WBP4: variants seen among roughly 807,000 people sequenced by gnomAD.
WBP4 encodes WW domain-binding protein 4.
WBP4 carries 37 observed loss-of-function variants against 55.4 expected under a neutral mutation model. The observed-to-expected ratio is 0.67, with a 90% CI of 0.51 to 0.88. WBP4 has a LOEUF of 0.88. Among genes scored for constraint, WBP4 ranks in the 40% least tolerant of loss-of-function variants. The pLI, the probability that WBP4 is intolerant of heterozygous loss-of-function variation, is 0.00. For synonymous variants in WBP4, 142 were observed against 140.2 expected (o/e 1.01, Z -0.09); for missense variants, 398 against 420.8 (o/e 0.95, Z 0.47).
intron 9 of WBP4, 72 bp downstream of exon 9, chr13:41,080,881 G>T: frequency 6.9e-7 from 1 of 1,449,600 alleles, no homozygotes; most frequent in African/African-American, 1.4e-5. Context: ...CTAAATTGCA[G>T]TAAGTAATTT....
At chr13:41,074,115 T>C (rs1441873915) in intron 7 of WBP4, among the ~76,000 whole-genome samples, 3 of 152,000 alleles carry the variant, frequency 2.0e-5, no homozygotes, top group Admixed American at 6.5e-5. Context: ...GTATTTTTAG[T>C]AGAGACGGGG....
chr13:41,066,525 C>A (rs938041976), intron 4 of WBP4, among the ~76,000 whole-genome samples: 3 of 152,030 alleles, frequency 2.0e-5, no homozygotes, highest in African/African-American at 7.2e-5. Context: ...GGAGATGTAT[C>A]ATTTTTATAT....
At chr13:41,080,922 T>A in intron 9 of WBP4, 113 bp downstream of exon 9, 1 of 1,195,112 alleles carries the variant, frequency 8.4e-7, no homozygotes, top group Non-Finnish European at 1.2e-6. Context: ...AAAGTATAGC[T>A]TGAGGCCAGA....
rs1005942830 is a variant in WBP4, at chr13:41,083,226, T to C, written c.*312T>C. 4.3e-6 allele frequency: 1 copy of C among 232,368 alleles called. No homozygotes were observed. Among genetic ancestry groups the C allele is most frequent in the Non-Finnish European group, 8.6e-6 (1 of 116,848 alleles). The allele number at this position is 232,368 out of a possible 1,614,324, so 14.4% of individuals were successfully genotyped here. ...AAACAGGGCCTTTATTCCATTCATA[T>C]TCATAAGAGCATATTTATCCTGCAT... is the stretch of plus-strand genomic sequence containing the variant. On this transcript the variant is annotated 3_prime_UTR_variant, in exon 10 of 10. Coordinates refer to ENST00000379487, the MANE Select transcript of WBP4 (RefSeq NM_007187.5).
intron 9 of WBP4, among the ~76,000 whole-genome samples, chr13:41,081,791 G>C (rs1408416920): frequency 2.0e-5 from 3 of 152,190 alleles, no homozygotes; most frequent in Non-Finnish European, 2.9e-5. Flanking sequence ...TCCAGCCTGG[G>C]AGACAGAGCA....
chr13:41,068,804 T>A (rs1878099697), intron 5 of WBP4, 67 bp downstream of exon 5: 1 of 1,402,228 alleles, frequency 7.1e-7, no homozygotes, highest in African/African-American at 1.5e-5. Flanking sequence ...ATTTATTTTA[T>A]GTTAGGATTT....
At chr13:41,080,516 G>A in intron 8 of WBP4, 130 bp from the exon 9 acceptor site, 1 of 679,966 alleles carries the variant, frequency 1.5e-6, no homozygotes. Flanking sequence ...TATTTATTGT[G>A]TTATGTGCAG....
At chr13:41,079,177 A>G (rs1878650066) in intron 8 of WBP4, among the ~76,000 whole-genome samples, 1 of 152,226 alleles carries the variant, frequency 6.6e-6, no homozygotes, top group Admixed American at 6.5e-5. Context: ...CAGGTGGCCA[A>G]AACACATGAA....
intron 5 of WBP4, among the ~76,000 whole-genome samples, chr13:41,071,184 A>C (rs761163981): frequency 2.3e-4 from 35 of 152,166 alleles, no homozygotes; most frequent in Non-Finnish European, 3.1e-4. Context: ...TATTCAGTTT[A>C]TCTCTCACTC....
chr13:41,064,972 G>A, intron 2 of WBP4, 44 bp from the exon 3 acceptor site: 1 of 1,484,308 alleles, frequency 6.7e-7, no homozygotes, highest in Non-Finnish European at 9.0e-7. Flanking sequence ...ATTTTATGAT[G>A]TTTATGTAGT....
intron 8 of WBP4, among the ~76,000 whole-genome samples, chr13:41,076,457 G>C (rs1878499573): frequency 6.6e-6 from 1 of 151,314 alleles, no homozygotes. Context: ...TTTTTTTATT[G>C]TTAGTAGAGA....
rs1334375301 is a variant in WBP4, at chr13:41,065,326, T to TA, written c.262+43dup. The TA allele has an allele frequency of 5.9e-6, 9 of 1,537,136 alleles. No individual in the cohort carries two copies. The African/African-American group carries it at 1.1e-4, about 19-fold the overall frequency. ...AAAAAAAAAAGCAGCCAGCATGTTTTAAAAGTAACATCAGAGGTCAAGCTA... is the reference window on the plus strand; with the variant it reads ...AAAAAAAAAAGCAGCCAGCATGTTTTAAAAAGTAACATCAGAGGTCAAGCTA... On this transcript the variant is annotated intron_variant, in intron 4 of 9. Transcript: ENST00000379487.
intron 1 of WBP4, chr13:41,062,323 C>G (rs749631233): frequency 7.9e-5 from 76 of 960,764 alleles, no homozygotes; most frequent in Non-Finnish European, 8.8e-5. Context: ...GCAACCTCCC[C>G]CAAAGCCAGA....
chr13:41,074,605 A>G (rs529179689), intron 7 of WBP4, among the ~76,000 whole-genome samples: 18 of 152,362 alleles, frequency 1.2e-4, no homozygotes, highest in African/African-American at 4.1e-4. Flanking sequence ...GTCACTCTTC[A>G]GTGAAATAGA....
Position 41,082,897 on chromosome 13 carries a change from C to T in WBP4, c.1114C>T (p.Arg372Ter), listed in dbSNP as rs1437861860. 9 of 1,613,900 alleles carry T rather than the reference C, an allele frequency of 5.6e-6. No individual in the cohort carries two copies. Among genetic ancestry groups the T allele is most frequent in the South Asian group, 1.1e-5 (1 of 91,066 alleles). Residue 372 changes from arginine to a stop codon, truncating the protein, a stop_gained, in exon 10 of 10, where the codon CGA becomes TGA. Coordinates refer to ENST00000379487, the MANE Select transcript of WBP4 (RefSeq NM_007187.5). LOFTEE classifies it high-confidence loss of function. ...TGGAAAATCTAGAAATTTAAGGCAA[C>T]GAGGTGATGATCAATAGTTGCAGGA... ...ENGKSRNLRQRGDDQ is the reference protein window; with the variant it reads ...ENGKSRNLRQ
At chr13:41,081,923 G>A (rs537291242) in intron 9 of WBP4, among the ~76,000 whole-genome samples, 7 of 152,322 alleles carry the variant, frequency 4.6e-5, no homozygotes, top group East Asian at 1.9e-4. Flanking sequence ...TAAACATAAC[G>A]ATCTTTCCGG....
chr13:41,072,315 C>T (rs895127139), intron 6 of WBP4, among the ~76,000 whole-genome samples: 2 of 152,084 alleles, frequency 1.3e-5, no homozygotes, highest in African/African-American at 4.8e-5. Context: ...ACTTCTGAAA[C>T]TAGGTAATTT....
At chr13:41,074,376 A>G (rs1878386288) in intron 7 of WBP4, among the ~76,000 whole-genome samples, 1 of 152,204 alleles carries the variant, frequency 6.6e-6, no homozygotes, top group African/African-American at 2.4e-5. Context: ...GCATAGCATT[A>G]AATCTTTTAG....
Position 41,069,113 on chromosome 13 carries a change from A to G in WBP4, c.439+376A>G, listed in dbSNP as rs537642841. On this transcript the variant is annotated intron_variant, in intron 5 of 9. Coordinates refer to ENST00000379487, the MANE Select transcript of WBP4 (RefSeq NM_007187.5). ...TGAAATAAAATATTCTACAGTAGAG[A>G]TTTTCTTCTGGGAGCCAGTAACTGA... is the stretch of plus-strand genomic sequence containing the variant. 3.9e-5 allele frequency among the ~76,000 whole-genome samples: 6 copies of G among 152,216 alleles called. No individual in the cohort carries two copies. In the South Asian group the frequency reaches 1.2e-3, roughly 32 times the overall value.
Sources: gnomAD v4.1 joint callset for allele counts (sites outside exome capture counted in the v4.1 genomes callset) on GRCh38, gnomAD v4.1.1 for gene constraint, MANE v1.5 for transcripts, NCBI Gene and HGNC (gene_info 2026-07-23, HGNC 2026-07-21) for gene names.